The following TANC1 variants were observed in gnomAD, a reference collection of about 807,000 sequenced individuals.
The protein encoded by TANC1 is tetratricopeptide repeat, ankyrin repeat and coiled-coil containing 1.
TANC1 carries 77 observed loss-of-function variants against 149.7 expected under a neutral mutation model. That is an observed-to-expected ratio of 0.51 (90% CI 0.43 to 0.62). The LOEUF (loss-of-function observed/expected upper bound fraction) is 0.62. Ranked by LOEUF, TANC1 falls within the 20% of genes least tolerant of loss-of-function variation. TANC1 has a pLI of 0.00. For synonymous variants in TANC1, 854 were observed against 925.0 expected (o/e 0.92, Z 1.39); for missense variants, 1,985 against 2,321.8 (o/e 0.85, Z 2.98).
chr2:159,098,107 G>T (rs1210518683), intron 4 of TANC1, among the ~76,000 whole-genome samples: 2 of 151,978 alleles, frequency 1.3e-5, no homozygotes, highest in Non-Finnish European at 2.9e-5. Context: ...TTGTTTTCTT[G>T]CTGATGAATT....
intron 2 of TANC1, among the ~76,000 whole-genome samples, chr2:159,062,987 A>AAAAAAAAAG (rs2042366274): frequency 6.8e-6 from 1 of 146,934 alleles, no homozygotes; most frequent in Non-Finnish European, 1.5e-5. Context: ...AAAAAAAAAA[A>AAAAAAAAAG]AAAAAAAAGA....
At chr2:159,212,543 G>GT (rs1159177917) in intron 19 of TANC1, among the ~76,000 whole-genome samples, 1 of 152,212 alleles carries the variant, frequency 6.6e-6, no homozygotes, top group Non-Finnish European at 1.5e-5. Flanking sequence ...AAGTTGAATA[G>GT]TAGGTATATC....
intron 7 of TANC1, among the ~76,000 whole-genome samples, chr2:159,162,047 A>C (rs527639702): frequency 6.6e-6 from 1 of 152,376 alleles, no homozygotes; most frequent in East Asian, 1.9e-4. Flanking sequence ...AGGCTGCAGC[A>C]GCAGGAGGAG....
In TANC1 at chr2:158,983,468, C is replaced by CAAA. The variant is rs35472970; in HGVS notation, c.-126+14703_-126+14705dup. On this transcript the variant is annotated intron_variant, in intron 1 of 26. Coordinates refer to ENST00000263635, the MANE Select transcript of TANC1 (RefSeq NM_033394.3). ...GGAGACAGAGCAAGACTCCGTCTCCCAAAAAAAAAAAAAAAAAAACACCAA... is the reference window on the plus strand; with the variant it reads ...GGAGACAGAGCAAGACTCCGTCTCCCAAAAAAAAAAAAAAAAAAAAAACACCAA... Among the ~76,000 whole-genome samples the CAAA allele has an allele frequency of 7.9e-5, 7 of 88,812 alleles. 1 individual carries two copies. In the East Asian group the frequency reaches 1.3e-3, roughly 16 times the overall value. The allele number at this position is 88,812 out of a possible 152,430, so 58.3% of individuals were successfully genotyped here.
At chr2:159,118,808 G>C in intron 4 of TANC1, among the ~76,000 whole-genome samples, 1 of 152,152 alleles carries the variant, frequency 6.6e-6, no homozygotes, top group South Asian at 2.1e-4. Context: ...ATTCGGCCAG[G>C]TTCTGTGATT....
At chr2:159,047,639 TC>T (rs2149571575) in intron 2 of TANC1, among the ~76,000 whole-genome samples, 1 of 152,298 alleles carries the variant, frequency 6.6e-6, no homozygotes, top group South Asian at 2.1e-4. Flanking sequence ...CCTCCCCATT[TC>T]CAGTTGTCCT....
Position 159,230,023 on chromosome 2 carries a change from A to G in TANC1, c.4597A>G (p.Ile1533Val), listed in dbSNP as rs747524034. Reference sequence around the variant, plus strand: ...CCTGCAGCCCTCCAAGCAGGCCCAGATCGTGAAAACCAGCCAGCACCTGGG... The same window carrying G: ...CCTGCAGCCCTCCAAGCAGGCCCAGGTCGTGAAAACCAGCCAGCACCTGGG... ...LLLQPSKQAQ[I>V]VKTSQHLGSG... The change falls in exon 27 of 27, where the codon ATC becomes GTC. Residue 1533 changes from isoleucine to valine, a missense_variant. Physicochemically the swap from Ile to Val is conservative, Grantham distance 29. This residue lies in a region of TANC1 where 920 missense variants were observed against 994.7 expected (regional missense o/e 0.92). Coordinates refer to ENST00000263635, the MANE Select transcript of TANC1 (RefSeq NM_033394.3). The surrounding 1 kb of genome is among the most constrained non-coding windows in gnomAD (Gnocchi z 4.4). The G allele has an allele frequency of 5.6e-6, 9 of 1,613,948 alleles. No homozygotes were observed. Among genetic ancestry groups the G allele is most frequent in the African/African-American group, 5.3e-5 (4 of 74,950 alleles).
chr2:159,197,841 A>G (rs1226363873), intron 18 of TANC1, among the ~76,000 whole-genome samples: 1 of 152,176 alleles, frequency 6.6e-6, no homozygotes, highest in Non-Finnish European at 1.5e-5. Flanking sequence ...TTTGTTCACC[A>G]TAAGACTTGG....
chr2:158,988,707 T>G (rs2035297014), intron 1 of TANC1, among the ~76,000 whole-genome samples: 2 of 152,140 alleles, frequency 1.3e-5, no homozygotes. Context: ...CCAGGCTCTG[T>G]GCTAAGTGCT....
intron 3 of TANC1, among the ~76,000 whole-genome samples, chr2:159,096,469 A>T (rs1267898114): frequency 1.3e-5 from 2 of 152,190 alleles, no homozygotes; most frequent in East Asian, 3.8e-4. Flanking sequence ...CATAAATTTA[A>T]TTATCTCAGC....
intron 4 of TANC1, among the ~76,000 whole-genome samples, chr2:159,102,836 A>G (rs1359878581): frequency 5.7e-5 from 5 of 87,202 alleles, no homozygotes; most frequent in African/African-American, 7.0e-5. Context: ...CTCCTGCTTC[A>G]GCCTTCCGAG....
chr2:159,118,441 G>A (rs1371738828), intron 4 of TANC1, among the ~76,000 whole-genome samples: 1 of 152,118 alleles, frequency 6.6e-6, no homozygotes, highest in Non-Finnish European at 1.5e-5. Flanking sequence ...TGGATTCCCG[G>A]GAAGATGAAC....
At chr2:159,004,464 G>T in intron 2 of TANC1, 1 of 707,818 alleles carries the variant, frequency 1.4e-6, no homozygotes. Flanking sequence ...TGTTTGTTCA[G>T]CATTTTTCAG....
chr2:159,004,767 G>C (rs775415680), intron 2 of TANC1, among the ~76,000 whole-genome samples: 1 of 152,106 alleles, frequency 6.6e-6, no homozygotes, highest in Non-Finnish European at 1.5e-5. Flanking sequence ...GACCAGCTCA[G>C]TTGTGGAGAC....
intron 12 of TANC1, among the ~76,000 whole-genome samples, chr2:159,175,951 A>AG (rs1222295710): frequency 6.6e-6 from 1 of 152,092 alleles, no homozygotes; most frequent in Non-Finnish European, 1.5e-5. Context: ...GGGGGCAGCG[A>AG]GGGGGTCAGT....
intron 16 of TANC1, among the ~76,000 whole-genome samples, chr2:159,188,475 A>G (rs1007885012): frequency 1.3e-5 from 2 of 152,222 alleles, no homozygotes; most frequent in Non-Finnish European, 2.9e-5. Flanking sequence ...CCATCCAGCC[A>G]GTGGTTTTGT....
chr2:159,229,294 T>G (rs969329363), intron 26 of TANC1, among the ~76,000 whole-genome samples: 1 of 152,084 alleles, frequency 6.6e-6, no homozygotes, highest in Non-Finnish European at 1.5e-5. Flanking sequence ...GTAACAATAT[T>G]AAAAAGATTC....
chr2:159,225,471 T>C (rs2059967532), intron 23 of TANC1: 1 of 586,254 alleles, frequency 1.7e-6, no homozygotes, highest in African/African-American at 1.9e-5. Context: ...TTCTCATTAC[T>C]TTTTTCAGTA....
At chr2:159,129,449 T>TG (rs1434431462) in intron 4 of TANC1, among the ~76,000 whole-genome samples, 3 of 152,194 alleles carry the variant, frequency 2.0e-5, no homozygotes. Flanking sequence ...GGGAGAGTGC[T>TG]GTACCTTCTG....
Sources: allele counts gnomAD v4.1 joint callset (sites outside exome capture counted in the v4.1 genomes callset), GRCh38; gene constraint gnomAD v4.1.1; regional missense constraint gnomAD v4.1.1; non-coding constraint Gnocchi (gnomAD v3.1); transcripts MANE v1.5; gene names NCBI Gene and HGNC (gene_info 2026-07-23, HGNC 2026-07-21).